The following LMX1A variants were observed in gnomAD, a reference collection of about 807,000 sequenced individuals.
LMX1A encodes the protein LIM homeobox transcription factor 1-alpha.
In LMX1A, 15 loss-of-function variants were observed where a neutral mutation model predicts 49.1. The observed-to-expected ratio is 0.31, with a 90% CI of 0.20 to 0.47. LMX1A has a LOEUF of 0.47. Among genes scored for constraint, LMX1A ranks in the 20% least tolerant of loss-of-function variants. The probability of loss-of-function intolerance (pLI) is 1.00; values close to 1 mark genes in which losing one functional copy is unlikely to be tolerated. For synonymous variants in LMX1A, 167 were observed against 185.7 expected, an observed-to-expected ratio of 0.90 and a Z score of 0.82; for missense variants, 372 against 475.8, an observed-to-expected ratio of 0.78 and a Z score of 2.03.
At chr1:165,314,586 A>G (rs1655166780) in intron 3 of LMX1A, among the ~76,000 whole-genome samples, 1 of 151,924 alleles carries the variant, frequency 6.6e-6, no homozygotes, top group Non-Finnish European at 1.5e-5. Flanking sequence ...CTACCCTTTC[A>G]AAACTGTAAT....
At chr1:165,244,762 C>G (rs1652781689) in intron 4 of LMX1A, among the ~76,000 whole-genome samples, 1 of 152,018 alleles carries the variant, frequency 6.6e-6, no homozygotes, top group South Asian at 2.1e-4. Context: ...TCGTGATTCT[C>G]TGGTGAAGGA....
chr1:165,251,132 G>T (rs1046569731), intron 3 of LMX1A, among the ~76,000 whole-genome samples: 1 of 151,640 alleles, frequency 6.6e-6, no homozygotes, highest in South Asian at 2.1e-4. Context: ...GCCCAAGCTG[G>T]AGTGCAGTGG....
chr1:165,211,051 C>T (rs77720442), intron 5 of LMX1A: 2 of 329,190 alleles, frequency 6.1e-6, no homozygotes, highest in Admixed American at 4.6e-5. Context: ...GGAAATTAGG[C>T]CTTCAAGTGG....
chr1:165,344,412 G>A (rs534282986), intron 3 of LMX1A, among the ~76,000 whole-genome samples: 1 of 152,270 alleles, frequency 6.6e-6, no homozygotes, highest in South Asian at 2.1e-4. Flanking sequence ...TAGCAGGGGA[G>A]GAAACTCTAG....
At chr1:165,251,882 C>T (rs59490390) in intron 3 of LMX1A, among the ~76,000 whole-genome samples, 2,278 of 152,188 alleles carry the variant, frequency 0.015, 53 homozygotes, top group African/African-American at 0.05. Flanking sequence ...TGTCTCAAAA[C>T]TACAATATGA....
intron 4 of LMX1A, among the ~76,000 whole-genome samples, chr1:165,216,497 T>G (rs1651647808): frequency 1.3e-5 from 2 of 152,172 alleles, no homozygotes; most frequent in African/African-American, 2.4e-5. Flanking sequence ...CCAGGGATCA[T>G]GCAGATCTCC....
chr1:165,269,246 A>G (rs1258857318), intron 3 of LMX1A, among the ~76,000 whole-genome samples: 1 of 152,230 alleles, frequency 6.6e-6, no homozygotes, highest in South Asian at 2.1e-4. Context: ...CCTGCCGAGA[A>G]TCAGCTTCCC....
intron 3 of LMX1A, among the ~76,000 whole-genome samples, chr1:165,318,983 C>CT (rs1553212109): frequency 7.4e-6 from 1 of 136,000 alleles, no homozygotes; most frequent in Non-Finnish European, 1.6e-5. Context: ...GCTGAGATCT[C>CT]CTCTCTCTCT....
intron 4 of LMX1A, among the ~76,000 whole-genome samples, chr1:165,228,027 ACAG>A (rs1571161596): frequency 1.3e-5 from 2 of 152,364 alleles, no homozygotes; most frequent in East Asian, 3.9e-4. Flanking sequence ...AGTGAATTAA[ACAG>A]ACAGGACCTC....
chr1:165,350,173 CAAAA>C (rs60150264), intron 3 of LMX1A, among the ~76,000 whole-genome samples: 1,406 of 80,340 alleles, frequency 0.018, 28 homozygotes, highest in African/African-American at 0.072. Context: ...AAAGATCCAC[CAAAA>C]AAAAAAAAAA....
At chr1:165,271,306 G>A (rs1038940735) in intron 3 of LMX1A, among the ~76,000 whole-genome samples, 2 of 152,224 alleles carry the variant, frequency 1.3e-5, no homozygotes, top group African/African-American at 4.8e-5. Context: ...GTATTAGGTA[G>A]CAAGCTGGAC....
chr1:165,307,290 T>G (rs766333399), intron 3 of LMX1A, among the ~76,000 whole-genome samples: 6 of 152,210 alleles, frequency 3.9e-5, no homozygotes, highest in Non-Finnish European at 7.3e-5. Context: ...TCATTGGCCT[T>G]CACAGCTCTG....
At chr1:165,208,691 T>A (rs1571145537) in intron 6 of LMX1A, among the ~76,000 whole-genome samples, 2 of 114,104 alleles carry the variant, frequency 1.8e-5, no homozygotes, top group South Asian at 5.7e-4. Context: ...CAGGCTGGAG[T>A]GCTGGAGTGC....
chr1:165,221,908 TACACAC>T (rs3038076), intron 4 of LMX1A, among the ~76,000 whole-genome samples: 11,305 of 126,744 alleles, frequency 0.089, 848 homozygotes, highest in African/African-American at 0.22. Context: ...GTCTCCACTC[TACACAC>T]ACACACACAC....
chr1:165,340,633 A>G (rs1238285237), intron 3 of LMX1A, among the ~76,000 whole-genome samples: 2 of 152,186 alleles, frequency 1.3e-5, no homozygotes, highest in Non-Finnish European at 2.9e-5. Flanking sequence ...ATGACAATGT[A>G]TCCCAAAGCT....
rs766075851 is a variant in LMX1A at position 165,205,986 on chromosome 1, G to T, written c.866C>A (p.Pro289His). ...CTGTGGGGTGGGCAGAGCCGTGTAG[G>T]GGTTCATGATTCCTTCCATCCCAGC... ...GSAGMEGIMN[P>H]YTALPTPQQL... Residue 289 changes from proline to histidine, a missense_variant, in exon 8 of 9, where the codon CCC becomes CAC. Physicochemically the swap from Pro to His is moderately conservative, Grantham distance 77. Coordinates refer to ENST00000342310, the MANE Select transcript of LMX1A (RefSeq NM_177398.4). The T allele has an allele frequency of 6.2e-7, 1 of 1,604,924 alleles. No homozygotes were observed. Among genetic ancestry groups the T allele is most frequent in the African/African-American group, 1.3e-5 (1 of 74,268 alleles).
intron 4 of LMX1A, among the ~76,000 whole-genome samples, chr1:165,229,341 C>A (rs568332920): frequency 2.0e-3 from 306 of 152,278 alleles, no homozygotes; most frequent in African/African-American, 6.9e-3. Flanking sequence ...GATTCAGGAC[C>A]TTGGGGAGAG....
At chr1:165,237,309 C>T (rs1037459683) in intron 4 of LMX1A, among the ~76,000 whole-genome samples, 2 of 152,164 alleles carry the variant, frequency 1.3e-5, no homozygotes, top group African/African-American at 2.4e-5. Flanking sequence ...CTGCAACCTC[C>T]GCCTCCTGGG....
At chr1:165,333,001 T>G (rs1655792080) in intron 3 of LMX1A, among the ~76,000 whole-genome samples, 1 of 152,190 alleles carries the variant, frequency 6.6e-6, no homozygotes, top group East Asian at 1.9e-4. Flanking sequence ...TATGCCTCTT[T>G]TAGAAACCAT....
Sources: gnomAD v4.1 joint callset for allele counts (sites outside exome capture counted in the v4.1 genomes callset) on GRCh38, gnomAD v4.1.1 for gene constraint, MANE v1.5 for transcripts, NCBI Gene and HGNC (gene_info 2026-07-23, HGNC 2026-07-21) for gene names.